GSK3A: variants seen among roughly 807,000 people sequenced by gnomAD.
The protein encoded by GSK3A is glycogen synthase kinase 3 alpha.
Under a neutral mutation model 56.6 loss-of-function variants are expected in GSK3A, and 14 were observed. That is an observed-to-expected ratio of 0.25 (90% confidence interval 0.16 to 0.39). The LOEUF (loss-of-function observed/expected upper bound fraction) is 0.39. GSK3A is among the 10% of genes least tolerant of loss of function. The pLI, the probability that GSK3A is intolerant of heterozygous loss-of-function variation, is 1.00. For synonymous variants in GSK3A, 301 were observed against 285.0 expected, an observed-to-expected ratio of 1.06 and a Z score of -0.56; for missense variants, 450 against 656.0, an observed-to-expected ratio of 0.69 and a Z score of 3.43.
Position 42,234,507 on chromosome 19 carries a change from C to G in GSK3A, c.797+41G>C, listed in dbSNP as rs1436162726. The G allele has an allele frequency of 3.1e-6, 5 of 1,611,570 alleles. No individual in the cohort carries two copies. The highest frequency in any genetic ancestry group is 1.7e-4 in the Middle Eastern group (1 of 6,048). On this transcript the variant is annotated intron_variant, in intron 5 of 10. Coordinates refer to ENST00000222330, the MANE Select transcript of GSK3A (RefSeq NM_019884.3). The surrounding 1 kb of genome is among the most constrained non-coding windows in gnomAD (Gnocchi z 5.7). ...GTACACGTGAGGCAAGGGTTGGGGTCCCCCCTGCCTCTTCAGCCACCCAAC... is the reference window on the plus strand; with the variant it reads ...GTACACGTGAGGCAAGGGTTGGGGTGCCCCCTGCCTCTTCAGCCACCCAAC...
In GSK3A at chr19:42,234,324, T is replaced by C; in HGVS notation, c.904+29A>G. ...ACTCCAAAACTTCCCAGATTGCCAC[T>C]CCCCCCGCCACCCTCCCATAACTCT... On this transcript the variant is annotated intron_variant, in intron 6 of 10. Transcript: ENST00000222330. This position sits in a 1 kb window ranked among gnomAD's most constrained non-coding sequence, Gnocchi z 5.7. 1 of 1,544,588 alleles carries C rather than the reference T, an allele frequency of 6.5e-7. No homozygotes were observed. Among genetic ancestry groups the C allele is most frequent in the Non-Finnish European group, 9.0e-7 (1 of 1,117,166 alleles).
intron 6 of GSK3A, among the ~76,000 whole-genome samples, chr19:42,233,854 A>G (rs1248570502): frequency 6.6e-6 from 1 of 152,142 alleles, no homozygotes; most frequent in East Asian, 1.9e-4. Context: ...TAAGGACTCC[A>G]CAGTTCGTCA....
At position 42,232,675 on chromosome 19, in the gene GSK3A, T is replaced by C; in HGVS notation, c.1106A>G (p.Lys369Arg). 1 of 1,576,710 alleles carries C rather than the reference T, an allele frequency of 6.3e-7. No homozygotes were observed. Among genetic ancestry groups the C allele is most frequent in the Non-Finnish European group, 8.6e-7 (1 of 1,158,346 alleles). ...IKAHPWTKVF[K>R]SRTPPEAIAL... ...GATGGCCTCTGGCGGCGTTCGAGATTTGAACACCTGAGGGATGGGTGCAGG... is the reference window on the plus strand; with the variant it reads ...GATGGCCTCTGGCGGCGTTCGAGATCTGAACACCTGAGGGATGGGTGCAGG... Residue 369 changes from lysine to arginine, a missense_variant, in exon 9 of 11, where the codon AAA (lysine) becomes AGA (arginine). This residue lies in a region of GSK3A where 113 missense variants were observed against 147.5 expected (regional missense o/e 0.77). Coordinates refer to ENST00000222330, the MANE Select transcript of GSK3A (RefSeq NM_019884.3).
intron 2 of GSK3A, among the ~76,000 whole-genome samples, chr19:42,238,685 T>C (rs2036273560): frequency 6.7e-6 from 1 of 149,216 alleles, no homozygotes; most frequent in Non-Finnish European, 1.5e-5. Context: ...CAGGGCTAGG[T>C]ATGCTGGCTC....
chr19:42,233,832 C>T (rs1431300138), intron 6 of GSK3A, among the ~76,000 whole-genome samples: 1 of 152,162 alleles, frequency 6.6e-6, no homozygotes, highest in Non-Finnish European at 1.5e-5. Flanking sequence ...CCCCACAGCA[C>T]GAGTTCATAC....
chr19:42,234,657 G>T lies in GSK3A; in HGVS notation c.688C>A (p.Arg230Ser). 6.2e-7 allele frequency: 1 copy of T among 1,608,212 alleles called. No individual in the cohort carries two copies. The highest frequency in any genetic ancestry group is 2.2e-5 in the East Asian group (1 of 44,634). The change falls in exon 5 of 11, where the codon CGC becomes AGC. Residue 230 changes from arginine to serine, a missense_variant. Arg to Ser is a moderately radical substitution (Grantham distance 110, BLOSUM62 -1). Around this residue, in one of 3 missense-constraint regions of GSK3A, gnomAD observed 144 missense variants for 308.0 expected, o/e 0.47. Coordinates refer to ENST00000222330, the MANE Select transcript of GSK3A (RefSeq NM_019884.3). The surrounding 1 kb of genome is among the most constrained non-coding windows in gnomAD (Gnocchi z 5.7). ...TGGGAGTGGATGTAGGCCAAGCTGC[G>T]GAAGAGCTGGTACATGTACACCTGC... is the stretch of plus-strand genomic sequence containing the variant. ...YVKVYMYQLF[R>S]SLAYIHSQGV...
chr19:42,232,416 G>A (rs2036229885), intron 9 of GSK3A, 80 bp downstream of exon 9: 1 of 1,349,158 alleles, frequency 7.4e-7, no homozygotes, highest in African/African-American at 1.4e-5. Flanking sequence ...CCCCACTCCT[G>A]CTTCAACACC....
At position 42,241,851 on chromosome 19, in the gene GSK3A, G is replaced by A. The variant is rs553405360; in HGVS notation, c.283+332C>T. ...AATAACCCTAGATCCCCATTTGCAA[G>A]CGACTGTGACCTCTGATCCAATATT... On this transcript the variant is annotated intron_variant, in intron 1 of 10. Transcript: ENST00000222330. The A allele has an allele frequency of 1.9e-3, 451 of 231,282 alleles. 3 individuals carry two copies. The highest frequency in any genetic ancestry group is 9.7e-3 in the African/African-American group (431 of 44,432). 14.3% of individuals were successfully genotyped at this position (231,282 alleles called of 1,614,324 possible).
chr19:42,232,425 C>T, intron 9 of GSK3A, 71 bp downstream of exon 9: 8 of 1,435,408 alleles, frequency 5.6e-6, no homozygotes, highest in Non-Finnish European at 7.7e-6. Flanking sequence ...TGCTTCAACA[C>T]CAAGCTCCTC....
In GSK3A at chr19:42,234,480, G is replaced by C. The variant is rs750744981; in HGVS notation, c.798-21C>G. 3.3e-5 allele frequency: 53 copies of C among 1,613,582 alleles called. No individual in the cohort carries two copies. Among genetic ancestry groups the C allele is most frequent in the Non-Finnish European group, 4.2e-5 (50 of 1,179,630 alleles). ...TTGCACTGTGGGAAGAGATGGGCAG[G>C]GGTACACGTGAGGCAAGGGTTGGGG... On this transcript the variant is annotated intron_variant, in intron 5 of 10. Coordinates refer to ENST00000222330, the MANE Select transcript of GSK3A (RefSeq NM_019884.3). This position sits in a 1 kb window ranked among gnomAD's most constrained non-coding sequence, Gnocchi z 5.7.
intron 9 of GSK3A, 119 bp from the exon 10 acceptor site, chr19:42,232,268 C>G: frequency 2.7e-6 from 2 of 753,890 alleles, no homozygotes; most frequent in East Asian, 5.3e-5. Flanking sequence ...AGCCACAGAC[C>G]TCTCTCAATG....
At position 42,232,133 on chromosome 19, in the gene GSK3A, C is replaced by T. The variant is rs113295548; in HGVS notation, c.1302G>A (p.Pro434=). 1.1e-5 allele frequency: 18 copies of T among 1,603,182 alleles called. No individual in the cohort carries two copies. The highest frequency in any genetic ancestry group is 8.4e-5 in the Admixed American group (5 of 59,760). ...NFSAGELSIQ[P]SLNAILIPPH... is the part of the protein sequence containing the mutation. ...GAGGGATGAGAATGGCGTTGAGAGA[C>T]GGTTGGATGGAGAGTTCTAGAAACA... is the stretch of plus-strand genomic sequence containing the variant. Residue 434 remains proline (P), a synonymous_variant, in exon 10 of 11, where the codon CCG becomes CCA. Transcript: ENST00000222330.
chr19:42,232,448 T>C, intron 9 of GSK3A, 48 bp downstream of exon 9: 1 of 1,561,022 alleles, frequency 6.4e-7, no homozygotes, highest in Non-Finnish European at 8.8e-7. Context: ...AATCTTTGGC[T>C]GCCCCCCTAC....
chr19:42,233,404 C>T lies in GSK3A; in HGVS notation c.905-21G>A, dbSNP rs1434383005. 1.4e-5 allele frequency: 22 copies of T among 1,518,466 alleles called. No individual in the cohort carries two copies. In the East Asian group the frequency reaches 2.2e-4, roughly 15 times the overall value. The allele number at this position is 1,518,466 out of a possible 1,614,324, so 94.1% of individuals were successfully genotyped here. On this transcript the variant is annotated intron_variant, in intron 6 of 10. Transcript: ENST00000222330. ...AACATCTGAGGGGAAATGGAGGGAG[C>T]GTCAGGGCTAGGCGAGTAGGGCCAC...
At chr19:42,239,829 T>C in intron 2 of GSK3A, 126 bp downstream of exon 2, 1 of 725,854 alleles carries the variant, frequency 1.4e-6, no homozygotes, top group Non-Finnish European at 2.3e-6. Context: ...AGGTCTCATT[T>C]CCTCTTTTCC....
Position 42,242,451 on chromosome 19 carries a change from CCCG to C in GSK3A, c.12_14del (p.Gly5del). On this transcript the variant is annotated inframe_deletion, in exon 1 of 11. Coordinates refer to ENST00000222330, the MANE Select transcript of GSK3A (RefSeq NM_019884.3). ...AGCCCCCAGGGCCGCCTCCCGAAGG[CCCG>C]CCGCCGCTCATGGCGCCGAGCACAG... The C allele has an allele frequency of 8.0e-7, 1 of 1,249,080 alleles. No homozygotes were observed. Among genetic ancestry groups the C allele is most frequent in the Non-Finnish European group, 1.0e-6 (1 of 995,998 alleles). 77.4% of individuals were successfully genotyped at this position (1,249,080 alleles called of 1,614,324 possible).
intron 2 of GSK3A, among the ~76,000 whole-genome samples, chr19:42,239,452 C>A (rs1397520105): frequency 6.6e-6 from 1 of 152,208 alleles, no homozygotes; most frequent in Non-Finnish European, 1.5e-5. Flanking sequence ...CAGGGCACCT[C>A]CATTCCATTC....
intron 6 of GSK3A, among the ~76,000 whole-genome samples, chr19:42,233,936 A>G (rs990314191): frequency 3.3e-5 from 5 of 152,178 alleles, no homozygotes; most frequent in Non-Finnish European, 7.4e-5. Context: ...TCATGCCTGG[A>G]AAATGGCAGT....
chr19:42,242,391 G>C lies in GSK3A; in HGVS notation c.75C>G (p.Pro25=). The part of the protein sequence containing the change: ...GRARTSSFAE[P]GGGGGGGGGG... The stretch of plus-strand genomic sequence containing the variant: ...CGCCGCCTCCTCCGCCTCCGCCGCC[G>C]GGCTCCGCGAACGAGCTAGTCCGCG... The change falls in exon 1 of 11, where the codon CCC becomes CCG. Residue 25 remains proline (P), a synonymous_variant. Coordinates refer to ENST00000222330, the MANE Select transcript of GSK3A (RefSeq NM_019884.3). 1.4e-6 allele frequency: 2 copies of C among 1,388,354 alleles called. No homozygotes were observed. The highest frequency in any genetic ancestry group is 1.9e-6 in the Non-Finnish European group (2 of 1,072,726). The allele number at this position is 1,388,354 out of a possible 1,614,324, so 86.0% of individuals were successfully genotyped here.
Sources: allele counts gnomAD v4.1 joint callset (sites outside exome capture counted in the v4.1 genomes callset), GRCh38; gene constraint gnomAD v4.1.1; regional missense constraint gnomAD v4.1.1; non-coding constraint Gnocchi (gnomAD v3.1); transcripts MANE v1.5; gene names NCBI Gene and HGNC (gene_info 2026-07-23, HGNC 2026-07-21).